OSBPL8: variants seen among roughly 807,000 people sequenced by gnomAD.
The protein encoded by OSBPL8 is oxysterol-binding protein-related protein 8.
In OSBPL8, 59 loss-of-function variants were observed where a neutral mutation model predicts 125.5. That is an observed-to-expected ratio of 0.47 (90% CI 0.38 to 0.58). The LOEUF (loss-of-function observed/expected upper bound fraction) is 0.58, where lower values mean the gene tolerates loss of function less well. Among genes scored for constraint, OSBPL8 ranks in the 20% least tolerant of loss-of-function variants. The pLI is 0.00. For synonymous variants in OSBPL8, 330 were observed against 338.9 expected (o/e 0.97, Z 0.29); for missense variants, 758 against 1,047.8 (o/e 0.72, Z 3.82).
rs146901598 is a variant in OSBPL8 at position 76,540,198 on chromosome 12, T to C, written c.-68+19199A>G. Among the ~76,000 whole-genome samples the C allele has an allele frequency of 8.5e-5, 13 of 152,246 alleles. No individual in the cohort carries two copies. In the East Asian group the frequency reaches 2.3e-3, roughly 27 times the overall value. ...ATCCTGGCATTCCTTAACAGCATTC[T>C]AGAGCTATCAAGACACTTCAAGTCA... On this transcript the variant is annotated intron_variant, in intron 1 of 23. Coordinates refer to ENST00000261183, the MANE Select transcript of OSBPL8 (RefSeq NM_020841.5).
intron 21 of OSBPL8, among the ~76,000 whole-genome samples, chr12:76,359,503 G>A (rs1038555446): frequency 6.6e-6 from 1 of 152,084 alleles, no homozygotes; most frequent in Non-Finnish European, 1.5e-5. Context: ...TTGTAATTTT[G>A]GTGTTCAGTA....
intron 10 of OSBPL8, 67 bp from the exon 11 acceptor site, chr12:76,390,724 A>T: frequency 1.1e-6 from 1 of 919,430 alleles, no homozygotes. Context: ...ATAAATAATA[A>T]TTATATACAA....
chr12:76,544,959 A>G (rs1426135680), intron 1 of OSBPL8, among the ~76,000 whole-genome samples: 1 of 152,198 alleles, frequency 6.6e-6, no homozygotes, highest in Non-Finnish European at 1.5e-5. Context: ...GCCTCTCTAA[A>G]GAATCTAAAA....
At chr12:76,374,375 T>G (rs1952733373) in intron 17 of OSBPL8, among the ~76,000 whole-genome samples, 1 of 152,024 alleles carries the variant, frequency 6.6e-6, no homozygotes, top group South Asian at 2.1e-4. Flanking sequence ...CAATGAGAAG[T>G]GGGGTCTATA....
chr12:76,519,355 G>T (rs577062732), intron 1 of OSBPL8, among the ~76,000 whole-genome samples: 33 of 152,178 alleles, frequency 2.2e-4, no homozygotes, highest in African/African-American at 7.9e-4. Flanking sequence ...ACCTCATCAG[G>T]CTAGCCTTCA....
At chr12:76,556,714 A>G (rs568539869) in intron 1 of OSBPL8, among the ~76,000 whole-genome samples, 1 of 152,224 alleles carries the variant, frequency 6.6e-6, no homozygotes, top group East Asian at 1.9e-4. Context: ...CCCAGGCTGG[A>G]GTGCAATGGC....
chr12:76,527,960 C>T (rs908448098), intron 1 of OSBPL8, among the ~76,000 whole-genome samples: 4 of 152,182 alleles, frequency 2.6e-5, no homozygotes, highest in African/African-American at 9.7e-5. Flanking sequence ...TTCCAACTGT[C>T]TGTTTATCCC....
intron 4 of OSBPL8, among the ~76,000 whole-genome samples, chr12:76,447,085 T>A (rs1872798529): frequency 6.6e-6 from 1 of 152,236 alleles, no homozygotes; most frequent in Non-Finnish European, 1.5e-5. Context: ...GACAGAATTA[T>A]AAAATCACTA....
chr12:76,500,809 T>C (rs1879823433), intron 1 of OSBPL8, among the ~76,000 whole-genome samples: 1 of 152,212 alleles, frequency 6.6e-6, no homozygotes, highest in Non-Finnish European at 1.5e-5. Flanking sequence ...CCTCTGCTTT[T>C]ACAGGTGATC....
chr12:76,482,809 T>TA (rs1481506470), intron 2 of OSBPL8, among the ~76,000 whole-genome samples: 1 of 152,220 alleles, frequency 6.6e-6, no homozygotes, highest in Non-Finnish European at 1.5e-5. Flanking sequence ...AGACATATAT[T>TA]AAAAAGTATT....
chr12:76,381,233 A>G lies in OSBPL8; in HGVS notation c.1631-2683T>C, dbSNP rs1953036609. On this transcript the variant is annotated intron_variant, in intron 15 of 23. Coordinates refer to ENST00000261183, the MANE Select transcript of OSBPL8 (RefSeq NM_020841.5). ...CTTGTAATCTCTGGTTTGGGGAATC[A>G]GGATAATCCTGGCCTCATAAAATGA... Among the ~76,000 whole-genome samples the G allele has an allele frequency of 3.3e-5, 5 of 152,324 alleles. 1 individual carries two copies. The South Asian group carries it at 1.0e-3, about 32-fold the overall frequency.
chr12:76,407,537 T>C (rs1333933854), intron 5 of OSBPL8, among the ~76,000 whole-genome samples: 2 of 152,164 alleles, frequency 1.3e-5, no homozygotes, highest in African/African-American at 2.4e-5. Context: ...CATGAAACAT[T>C]GCACCCAGCA....
rs1565815767 is a variant in OSBPL8, at chr12:76,354,372, C to CT, written c.*1516dup. Reference sequence around the variant, plus strand: ...TATATTGGTTAGGGAAAAAAGCAGGCTCTTTTTATCATTTTGATTCTCATA... The same window carrying CT: ...TATATTGGTTAGGGAAAAAAGCAGGCTTCTTTTTATCATTTTGATTCTCATA... On this transcript the variant is annotated 3_prime_UTR_variant, in exon 24 of 24. Coordinates refer to ENST00000261183, the MANE Select transcript of OSBPL8 (RefSeq NM_020841.5). The CT allele has an allele frequency of 6.6e-6, 1 of 151,730 alleles. No homozygotes were observed. Among genetic ancestry groups the CT allele is most frequent in the Non-Finnish European group, 1.5e-5 (1 of 67,752 alleles). The allele number at this position is 151,730 out of a possible 1,614,324, so 9.4% of individuals were successfully genotyped here.
chr12:76,551,361 T>G (rs1171647912), intron 1 of OSBPL8, among the ~76,000 whole-genome samples: 1 of 152,188 alleles, frequency 6.6e-6, no homozygotes, highest in African/African-American at 2.4e-5. Flanking sequence ...CTTGAAACAT[T>G]TTTCATTGTC....
At chr12:76,513,818 G>A (rs1283618757) in intron 1 of OSBPL8, among the ~76,000 whole-genome samples, 1 of 143,652 alleles carries the variant, frequency 7.0e-6, no homozygotes, top group Non-Finnish European at 1.5e-5. Flanking sequence ...TTGAGCCTAT[G>A]AGTGTCATTA....
At chr12:76,419,178 G>T (rs974641166) in intron 4 of OSBPL8, among the ~76,000 whole-genome samples, 1 of 151,390 alleles carries the variant, frequency 6.6e-6, no homozygotes, top group African/African-American at 2.4e-5. Context: ...AGAGGCTGCA[G>T]TGCGCCGAGA....
chr12:76,372,679 G>A (rs1414178862), intron 18 of OSBPL8, among the ~76,000 whole-genome samples: 2 of 152,034 alleles, frequency 1.3e-5, no homozygotes, highest in African/African-American at 4.8e-5. Context: ...CTCATAGTAT[G>A]GTATATCCAT....
chr12:76,541,351 G>A (rs377509414), intron 1 of OSBPL8, among the ~76,000 whole-genome samples: 6 of 152,070 alleles, frequency 3.9e-5, no homozygotes, highest in East Asian at 3.9e-4. Flanking sequence ...GGTGGTGCAC[G>A]TCTGTAATCC....
chr12:76,536,665 A>G lies in OSBPL8; in HGVS notation c.-68+22732T>C, dbSNP rs535024377. On this transcript the variant is annotated intron_variant, in intron 1 of 23. Transcript: ENST00000261183. ...ATTATCTTAAGATGCCACTTTTGAAAAGAGAAAAGGAAATGGGTGGAAAGG... is the reference window on the plus strand; with the variant it reads ...ATTATCTTAAGATGCCACTTTTGAAGAGAGAAAAGGAAATGGGTGGAAAGG... Among the ~76,000 whole-genome samples, 25 of 152,272 alleles carry G rather than the reference A, an allele frequency of 1.6e-4. 1 individual carries two copies. The highest frequency in any genetic ancestry group is 1.6e-3 in the Admixed American group (24 of 15,284).
Sources: allele counts gnomAD v4.1 joint callset (sites outside exome capture counted in the v4.1 genomes callset), GRCh38; gene constraint gnomAD v4.1.1; transcripts MANE v1.5; gene names NCBI Gene and HGNC (gene_info 2026-07-23, HGNC 2026-07-21).